Variants in NELL1 observed in about 807,000 individuals in gnomAD.
NELL1 encodes the protein protein kinase C-binding protein NELL1.
NELL1 carries 76 observed loss-of-function variants against 107.4 expected under a neutral mutation model. The ratio of observed to expected loss-of-function variants is 0.71; its 90% CI spans 0.59 to 0.86. NELL1 has a LOEUF of 0.86. Among genes scored for constraint, NELL1 ranks in the 40% least tolerant of loss-of-function variants. The probability of loss-of-function intolerance (pLI) is 0.00; values close to 1 mark genes in which losing one functional copy is unlikely to be tolerated. For synonymous variants in NELL1, 353 were observed against 341.2 expected, an observed-to-expected ratio of 1.03 and a Z score of -0.38; for missense variants, 1,024 against 1,005.5, an observed-to-expected ratio of 1.02 and a Z score of -0.25.
chr11:21,068,014 C>T (rs981445621), intron 12 of NELL1, among the ~76,000 whole-genome samples: 1 of 102,926 alleles, frequency 9.7e-6, no homozygotes, highest in Admixed American at 1.6e-4. Flanking sequence ...GCCTGGGCAA[C>T]AGAGTGAGAT....
chr11:21,091,786 G>A (rs78070873), intron 12 of NELL1, among the ~76,000 whole-genome samples: 1,970 of 152,246 alleles, frequency 0.013, 57 homozygotes, highest in South Asian at 0.12. Flanking sequence ...GGCCATTGAA[G>A]TAGATGCATG....
intron 3 of NELL1, among the ~76,000 whole-genome samples, chr11:20,820,920 CT>C (rs1468547309): frequency 6.6e-6 from 1 of 152,068 alleles, no homozygotes; most frequent in Non-Finnish European, 1.5e-5. Flanking sequence ...TATTTTGTTT[CT>C]TTCTCTTTTC....
At chr11:21,429,319 G>C (rs1299121263) in intron 15 of NELL1, among the ~76,000 whole-genome samples, 1 of 152,176 alleles carries the variant, frequency 6.6e-6, no homozygotes, top group Admixed American at 6.5e-5. Context: ...TTGACAAGTT[G>C]GGAGGAATGA....
At chr11:20,894,040 C>T (rs1238543749) in intron 5 of NELL1, among the ~76,000 whole-genome samples, 2 of 152,084 alleles carry the variant, frequency 1.3e-5, no homozygotes, top group African/African-American at 4.8e-5. Context: ...CATGGATGGC[C>T]TACTCACTAC....
At chr11:21,300,402 G>A (rs1849468166) in intron 14 of NELL1, among the ~76,000 whole-genome samples, 1 of 151,956 alleles carries the variant, frequency 6.6e-6, no homozygotes, top group Non-Finnish European at 1.5e-5. Flanking sequence ...GCCAGAAAAA[G>A]GGCTTTAGGT....
chr11:20,705,958 A>G (rs1351545904), intron 2 of NELL1, among the ~76,000 whole-genome samples: 2 of 152,222 alleles, frequency 1.3e-5, no homozygotes, highest in Non-Finnish European at 1.5e-5. Flanking sequence ...AATGAAAACC[A>G]CAATGAGATA....
chr11:21,466,333 G>C (rs7116761), intron 15 of NELL1, among the ~76,000 whole-genome samples: 108,390 of 151,974 alleles, frequency 0.71, 40,071 homozygotes, highest in Middle Eastern at 0.87. Flanking sequence ...CATACAGGTC[G>C]AGTGGGCATC....
Position 21,492,102 on chromosome 11 carries a change from C to G in NELL1, c.1646-42272C>G, listed in dbSNP as rs1448700122. ...GGGTGAAGGAAATGAACAGACACTT[C>G]TCAAAAGAAGACATTTATGCAACCA... On this transcript the variant is annotated intron_variant, in intron 15 of 19. Transcript: ENST00000357134. Among the ~76,000 whole-genome samples, 7 of 152,136 alleles carry G rather than the reference C, an allele frequency of 4.6e-5. No homozygotes were observed. The East Asian group carries it at 1.4e-3, about 29-fold the overall frequency.
At chr11:21,097,561 G>A (rs1161942065) in intron 12 of NELL1, among the ~76,000 whole-genome samples, 1 of 152,142 alleles carries the variant, frequency 6.6e-6, no homozygotes, top group East Asian at 1.9e-4. Flanking sequence ...CAGAGGTGGA[G>A]TGTGTGAGAT....
At chr11:21,549,562 A>G (rs989907221) in intron 16 of NELL1, among the ~76,000 whole-genome samples, 58 of 151,914 alleles carry the variant, frequency 3.8e-4, no homozygotes, top group African/African-American at 1.3e-3. Flanking sequence ...GACACAGCAA[A>G]TCAACATTTG....
intron 3 of NELL1, among the ~76,000 whole-genome samples, chr11:20,802,053 G>A (rs1857290402): frequency 6.6e-6 from 1 of 151,962 alleles, no homozygotes; most frequent in Non-Finnish European, 1.5e-5. Context: ...GGATAGCTTT[G>A]GCTATTCTGG....
chr11:21,075,513 T>C (rs1461877189), intron 12 of NELL1, among the ~76,000 whole-genome samples: 1 of 152,176 alleles, frequency 6.6e-6, no homozygotes, highest in Non-Finnish European at 1.5e-5. Flanking sequence ...TCACCCAGGC[T>C]GGAGTGCAGT....
At chr11:21,420,699 G>T (rs912264244) in intron 15 of NELL1, among the ~76,000 whole-genome samples, 2 of 152,118 alleles carry the variant, frequency 1.3e-5, no homozygotes, top group Non-Finnish European at 2.9e-5. Context: ...AAGACTGGAG[G>T]TTTGCTCTTA....
At chr11:20,895,632 A>G (rs1849719846) in intron 5 of NELL1, among the ~76,000 whole-genome samples, 1 of 149,008 alleles carries the variant, frequency 6.7e-6, no homozygotes, top group African/African-American at 2.5e-5. Context: ...CAGCCTCTGG[A>G]GGAGCTGGGA....
intron 13 of NELL1, among the ~76,000 whole-genome samples, chr11:21,188,507 A>C (rs992339744): frequency 4.6e-5 from 7 of 151,600 alleles, no homozygotes; most frequent in Non-Finnish European, 1.0e-4. Context: ...ACTTTTCTTT[A>C]CTCATTCTCA....
At chr11:21,106,624 AAGAG>A (rs145465327) in intron 12 of NELL1, among the ~76,000 whole-genome samples, 7 of 151,890 alleles carry the variant, frequency 4.6e-5, no homozygotes, top group Non-Finnish European at 1.0e-4. Flanking sequence ...GAGGAAAAGA[AAGAG>A]AGAGAGAGAG....
chr11:21,369,362 A>AT (rs34302489), intron 14 of NELL1, among the ~76,000 whole-genome samples: 29,300 of 110,504 alleles, frequency 0.27, 3,996 homozygotes, highest in Non-Finnish European at 0.33. Context: ...GGTAGGTACT[A>AT]TTTTTTTTTT....
intron 12 of NELL1, among the ~76,000 whole-genome samples, chr11:21,068,054 AAAAAAG>A (rs1853920768): frequency 1.3e-5 from 2 of 150,682 alleles, no homozygotes; most frequent in South Asian, 2.1e-4. Context: ...AAAAAAAAAA[AAAAAAG>A]ACCTCTATTC....
chr11:21,267,816 G>A (rs868689615), intron 14 of NELL1, among the ~76,000 whole-genome samples: 1 of 152,102 alleles, frequency 6.6e-6, no homozygotes, highest in Non-Finnish European at 1.5e-5. Flanking sequence ...GCATCTTTAT[G>A]TGGATGTCCT....
Sources: gnomAD v4.1 joint callset for allele counts (sites outside exome capture counted in the v4.1 genomes callset) on GRCh38, gnomAD v4.1.1 for gene constraint, MANE v1.5 for transcripts, NCBI Gene and HGNC (gene_info 2026-07-23, HGNC 2026-07-21) for gene names.